The following WWOX variants were observed in gnomAD, a reference collection of about 807,000 sequenced individuals.
WWOX encodes the protein WW domain containing oxidoreductase, also known as WW domain-containing oxidoreductase.
WWOX carries 69 observed loss-of-function variants against 46.2 expected under a neutral mutation model. The ratio of observed to expected loss-of-function variants is 1.49; its 90% confidence interval spans 1.23 to 1.82. The LOEUF (loss-of-function observed/expected upper bound fraction) is 1.82, where lower values mean the gene tolerates loss of function less well. Ranked by LOEUF, WWOX falls within the 40% of genes most tolerant of loss-of-function variation. WWOX has a pLI of 0.00. For missense variants in WWOX, 919 were observed against 542.6 expected, an observed-to-expected ratio of 1.69 and a Z score of -6.89; for synonymous variants, 359 against 202.6, an observed-to-expected ratio of 1.77 and a Z score of -6.56.
intron 8 of WWOX, among the ~76,000 whole-genome samples, chr16:78,764,435 G>C (rs537280912): frequency 5.3e-5 from 8 of 151,024 alleles, no homozygotes; most frequent in Admixed American, 1.3e-4. Flanking sequence ...TGGTATGGTA[G>C]GGAGGTGCTT....
At chr16:79,159,044 C>A (rs957479485) in intron 8 of WWOX, among the ~76,000 whole-genome samples, 1 of 152,190 alleles carries the variant, frequency 6.6e-6, no homozygotes, top group East Asian at 1.9e-4. Flanking sequence ...CTGAAAATTA[C>A]GAAAGAAATA....
chr16:78,998,661 C>G (rs140142922), intron 8 of WWOX, among the ~76,000 whole-genome samples: 1 of 152,122 alleles, frequency 6.6e-6, no homozygotes, highest in Non-Finnish European at 1.5e-5. Context: ...TGTAGGTAAG[C>G]GGCTAGCACA....
rs1597142439 is a variant in WWOX at position 78,385,962 on chromosome 16, A to T, written c.517-898A>T. On this transcript the variant is annotated intron_variant, in intron 5 of 8. Transcript: ENST00000566780. ...ACACAGAAGGCTAGTGGGAGGGGCA[A>T]CCCGGAGATTTGTCCTTGCAGAATG... Among the ~76,000 whole-genome samples the T allele has an allele frequency of 2.6e-5, 4 of 152,298 alleles. 1 individual carries two copies. In the East Asian group the frequency reaches 7.7e-4, roughly 29 times the overall value.
At position 79,161,436 on chromosome 16, in the gene WWOX, AAGAG is replaced by A. The variant is rs566918417; in HGVS notation, c.1057-50167_1057-50164del. On this transcript the variant is annotated intron_variant, in intron 8 of 8. Coordinates refer to ENST00000566780, the MANE Select transcript of WWOX (RefSeq NM_016373.4). ...ATAAGCACCCGATGAATACTGACTA[AAGAG>A]AGAGGAGGAGTAGGGGAGAGAAGGA... Among the ~76,000 whole-genome samples the A allele has an allele frequency of 8.5e-5, 13 of 152,300 alleles. No individual in the cohort carries two copies. The South Asian group carries it at 2.7e-3, about 32-fold the overall frequency.
intron 6 of WWOX, among the ~76,000 whole-genome samples, chr16:78,414,326 C>G (rs117850419): frequency 5.3e-5 from 8 of 152,250 alleles, no homozygotes; most frequent in African/African-American, 1.7e-4. Context: ...CACATGGACA[C>G]GTGTAACAGA....
chr16:78,312,675 G>C lies in WWOX; in HGVS notation c.517-74185G>C, dbSNP rs532886370. On this transcript the variant is annotated intron_variant, in intron 5 of 8. Coordinates refer to ENST00000566780, the MANE Select transcript of WWOX (RefSeq NM_016373.4). The stretch of plus-strand genomic sequence containing the variant: ...CAGGCATGAGCCACTGTGCCTGGCT[G>C]GTTGTAGGCCTAATTCTAGCAATCT... Among the ~76,000 whole-genome samples the C allele has an allele frequency of 2.0e-4, 31 of 152,256 alleles. No individual in the cohort carries two copies. In the South Asian group the frequency reaches 2.9e-3, roughly 14 times the overall value.
At chr16:78,386,047 C>T (rs1490234716) in intron 5 of WWOX, among the ~76,000 whole-genome samples, 1 of 152,172 alleles carries the variant, frequency 6.6e-6, no homozygotes, top group Non-Finnish European at 1.5e-5. Flanking sequence ...CTCTCCAGTT[C>T]TCCTGGTTTC....
intron 5 of WWOX, chr16:78,278,745 T>G: frequency 7.9e-7 from 1 of 1,261,812 alleles, no homozygotes; most frequent in Non-Finnish European, 1.1e-6. Context: ...ATGTTTTGAC[T>G]TCTATCTCGG....
intron 8 of WWOX, among the ~76,000 whole-genome samples, chr16:78,533,809 T>TGGTTCTCGTCCTCGCC (rs1426880926): frequency 6.6e-6 from 1 of 152,200 alleles, no homozygotes; most frequent in Non-Finnish European, 1.5e-5. Flanking sequence ...CAGAACTCGC[T>TGGTTCTCGTCCTCGCC]GGTTCTCGTC....
At chr16:78,521,087 C>G (rs2043338959) in intron 8 of WWOX, among the ~76,000 whole-genome samples, 1 of 152,136 alleles carries the variant, frequency 6.6e-6, no homozygotes. Context: ...TGTTTAACTG[C>G]CCAGTGAAGA....
intron 8 of WWOX, among the ~76,000 whole-genome samples, chr16:78,803,587 A>G (rs896359154): frequency 2.0e-5 from 3 of 152,068 alleles, no homozygotes; most frequent in African/African-American, 4.8e-5. Context: ...GCTTAGAACC[A>G]CAGGCATATA....
At chr16:78,155,987 C>T (rs1446433866) in intron 4 of WWOX, among the ~76,000 whole-genome samples, 2 of 152,308 alleles carry the variant, frequency 1.3e-5, no homozygotes, top group South Asian at 2.1e-4. Flanking sequence ...GAAATAGCCA[C>T]GCTTTGTTTC....
chr16:78,842,462 T>C (rs1441579064), intron 8 of WWOX, among the ~76,000 whole-genome samples: 1 of 151,908 alleles, frequency 6.6e-6, no homozygotes, highest in African/African-American at 2.4e-5. Context: ...AGGATCACGC[T>C]ACTTTACTTC....
chr16:78,871,811 C>G (rs948752743), intron 8 of WWOX, among the ~76,000 whole-genome samples: 1 of 152,196 alleles, frequency 6.6e-6, no homozygotes, highest in Non-Finnish European at 1.5e-5. Flanking sequence ...CCATATTGGC[C>G]AGGCTGGTCT....
chr16:79,040,467 G>A (rs542806672), intron 8 of WWOX, among the ~76,000 whole-genome samples: 2 of 152,094 alleles, frequency 1.3e-5, no homozygotes, highest in South Asian at 4.2e-4. Flanking sequence ...GTAGAGACAA[G>A]CCTTCACTAT....
Position 78,525,731 on chromosome 16 carries a change from A to G in WWOX, c.1056+92979A>G, listed in dbSNP as rs551333637. 5 of 152,082 alleles carry G rather than the reference A, an allele frequency of 3.3e-5. No individual in the cohort carries two copies. In the South Asian group the frequency reaches 1.0e-3, roughly 32 times the overall value. The allele number at this position is 152,082 out of a possible 1,614,324, so 9.4% of individuals were successfully genotyped here. ...GACCGAGAATCTACCATAAGCTACT[A>G]GGGCCACATCTTCCCCTTTCTTCTC... On this transcript the variant is annotated intron_variant, in intron 8 of 8. Transcript: ENST00000566780.
chr16:78,932,171 G>T (rs62038103), intron 8 of WWOX, among the ~76,000 whole-genome samples: 17,956 of 152,140 alleles, frequency 0.12, 1,190 homozygotes, highest in Middle Eastern at 0.16. Context: ...ACGTCTGAGG[G>T]GCTTGACTCC....
intron 8 of WWOX, among the ~76,000 whole-genome samples, chr16:79,117,280 A>G (rs73576961): frequency 0.031 from 4,778 of 152,182 alleles, 271 homozygotes; most frequent in African/African-American, 0.11. Context: ...CAGTGCCACA[A>G]TTACAGGTGT....
intron 8 of WWOX, among the ~76,000 whole-genome samples, chr16:79,086,079 A>T (rs899481553): frequency 3.3e-5 from 5 of 151,846 alleles, no homozygotes; most frequent in Non-Finnish European, 4.4e-5. Context: ...CTCCAAAAAA[A>T]AGAGCAGTAT....
Sources: gnomAD v4.1 joint callset for allele counts (sites outside exome capture counted in the v4.1 genomes callset) on GRCh38, gnomAD v4.1.1 for gene constraint, MANE v1.5 for transcripts, NCBI Gene and HGNC (gene_info 2026-07-23, HGNC 2026-07-21) for gene names.